The following NOBOX variants were observed in gnomAD, a reference collection of about 807,000 sequenced individuals.
NOBOX encodes homeobox protein NOBOX.
In NOBOX, 46 loss-of-function variants were observed where a neutral mutation model predicts 60.2. The ratio of observed to expected loss-of-function variants is 0.76; its 90% CI spans 0.60 to 0.98. NOBOX has a LOEUF of 0.98. Ranked by LOEUF, NOBOX falls within the 50% of genes least tolerant of loss-of-function variation. NOBOX has a pLI of 0.00. For missense variants in NOBOX, 880 were observed against 865.5 expected (o/e 1.02, Z -0.21); for synonymous variants, 360 against 346.3 (o/e 1.04, Z -0.44).
In NOBOX at chr7:144,398,573, G is replaced by A. The variant is rs762648490; in HGVS notation, c.1483C>T (p.Pro495Ser). ...AGCTCCTCCAAATATGAACAGGGGG[G>A]TGGCAGGGTGATGCTGCAAGGACAG... The change falls in exon 9 of 10, where the codon CCC (proline) becomes TCC (serine). Residue 495 changes from proline to serine, a missense_variant. Transcript: ENST00000467773. 1 of 1,535,668 alleles carries A rather than the reference G, an allele frequency of 6.5e-7. No individual in the cohort carries two copies. Among genetic ancestry groups the A allele is most frequent in the Non-Finnish European group, 8.7e-7 (1 of 1,146,662 alleles).
intron 2 of NOBOX, chr7:144,402,010 G>C: frequency 7.8e-7 from 1 of 1,277,172 alleles, no homozygotes; most frequent in Admixed American, 1.7e-5. Flanking sequence ...CTTCTCCCAA[G>C]GCGGGATGCT....
chr7:144,404,806 G>C (rs1211483253), intron 1 of NOBOX: 2 of 1,124,908 alleles, frequency 1.8e-6, no homozygotes, highest in East Asian at 4.9e-5. Context: ...CCTGGTTCAC[G>C]GAATGTTTCT....
chr7:144,403,836 AC>A (rs2128862604), intron 2 of NOBOX, 143 bp from the exon 1 acceptor site: 2 of 339,008 alleles, frequency 5.9e-6, no homozygotes, highest in East Asian at 5.3e-5. Context: ...CCTCACCCCC[AC>A]CCCCACCCCC....
intron 5 of NOBOX, 109 bp from the exon 4 acceptor site, chr7:144,399,972 C>T: frequency 1.6e-6 from 2 of 1,278,518 alleles, no homozygotes; most frequent in South Asian, 1.4e-5. Flanking sequence ...CACTCCAGCA[C>T]TCTGCTTCTG....
At chr7:144,407,563 G>A (rs1002103391) in intron 1 of NOBOX, among the ~76,000 whole-genome samples, 9 of 152,218 alleles carry the variant, frequency 5.9e-5, no homozygotes, top group Non-Finnish European at 1.0e-4. Context: ...CACTGCCAGA[G>A]CCCGGGCAAA....
At position 144,404,682 on chromosome 7, in the gene NOBOX, T is replaced by C. The variant is rs1587096308; in HGVS notation, c.86-2A>G. ...ATTCAGGTACAGCCAGGGGCGGCCC[T>C]GCCAGGGACGGTGTGGTTACTGTGT... On this transcript the variant is annotated splice_acceptor_variant, in intron 1 of 9. Transcript: ENST00000467773. LOFTEE classifies it high-confidence loss of function. 1 of 1,613,532 alleles carries C rather than the reference T, an allele frequency of 6.2e-7. No homozygotes were observed. Among genetic ancestry groups the C allele is most frequent in the South Asian group, 1.1e-5 (1 of 90,976 alleles).
chr7:144,397,141 C>T (rs1225235939), downstream of NOBOX: 2 of 1,029,484 alleles, frequency 1.9e-6, no homozygotes, highest in Non-Finnish European at 2.7e-6. Context: ...CCTCAGTCTA[C>T]AGAGTCCACA....
chr7:144,402,362 G>C (rs1487594581), intron 2 of NOBOX, among the ~76,000 whole-genome samples: 2 of 152,170 alleles, frequency 1.3e-5, no homozygotes, highest in Non-Finnish European at 2.9e-5. Context: ...TGCATTGGGA[G>C]CTTATCATGT....
chr7:144,399,198 A>G lies in NOBOX; in HGVS notation c.1241-20T>C. On this transcript the variant is annotated intron_variant, in intron 7 of 9. Coordinates refer to ENST00000467773, the MANE Select transcript of NOBOX (RefSeq NM_001080413.3). ...GGGGCTCTAGGAACAGAAGGCAAAG[A>G]GGTGCTATAACGGTAAGGAAATGGG... 1 of 1,247,538 alleles carries G rather than the reference A, an allele frequency of 8.0e-7. No homozygotes were observed. The allele number at this position is 1,247,538 out of a possible 1,614,324, so 77.3% of individuals were successfully genotyped here. A position where few individuals can be genotyped will look rare whatever the true frequency, so the allele number is the denominator to read the frequency against.
chr7:144,402,533 G>A (rs2128862156), intron 2 of NOBOX, among the ~76,000 whole-genome samples: 1 of 152,194 alleles, frequency 6.6e-6, no homozygotes, highest in South Asian at 2.1e-4. Context: ...CACGTACTCT[G>A]TGTACTTAAT....
chr7:144,408,051 G>A (rs1309015549), intron 1 of NOBOX, among the ~76,000 whole-genome samples: 1 of 151,946 alleles, frequency 6.6e-6, no homozygotes, highest in Admixed American at 6.6e-5. Context: ...ATTATAGCAT[G>A]GCATTCAAGG....
rs2053990790 is a variant in NOBOX at position 144,407,092 on chromosome 7, T to G, written c.86-2412A>C. Among the ~76,000 whole-genome samples, 2 of 151,900 alleles carry G rather than the reference T, an allele frequency of 1.3e-5. 1 individual carries two copies. Among genetic ancestry groups the G allele is most frequent in the South Asian group, 4.2e-4 (2 of 4,816 alleles). ...AGAAAGAGTCATTTCTTCCAAAATCTTTTTTTCCCCTCACAGATATGAGAA... is the reference window on the plus strand; with the variant it reads ...AGAAAGAGTCATTTCTTCCAAAATCGTTTTTTCCCCTCACAGATATGAGAA... On this transcript the variant is annotated intron_variant, in intron 1 of 9. Coordinates refer to ENST00000467773, the MANE Select transcript of NOBOX (RefSeq NM_001080413.3).
chr7:144,400,787 C>A (rs2053932002), intron 4 of NOBOX, among the ~76,000 whole-genome samples: 1 of 152,202 alleles, frequency 6.6e-6, no homozygotes, highest in Admixed American at 6.5e-5. Context: ...ATCCACCTGC[C>A]TCGGCCTCCC....
At chr7:144,397,846 C>T (rs547647727) in intron 9 of NOBOX, among the ~76,000 whole-genome samples, 150 of 152,304 alleles carry the variant, frequency 9.8e-4, no homozygotes, top group Non-Finnish European at 1.8e-3. Flanking sequence ...CTGCTAGAAT[C>T]TAGTCTTAAT....
chr7:144,403,734 G>T, intron 2 of NOBOX, 41 bp from the exon 1 acceptor site: 2 of 693,876 alleles, frequency 2.9e-6, no homozygotes, highest in Non-Finnish European at 5.3e-6. Context: ...GTGATGCACA[G>T]GCGCGGCCTA....
At chr7:144,402,039 G>C in intron 2 of NOBOX, 1 of 938,694 alleles carries the variant, frequency 1.1e-6, no homozygotes, top group Admixed American at 1.9e-5. Flanking sequence ...TGCACAACAG[G>C]CATTATTGCT....
At chr7:144,405,583 C>T (rs1476215474) in intron 1 of NOBOX, among the ~76,000 whole-genome samples, 1 of 152,194 alleles carries the variant, frequency 6.6e-6, no homozygotes, top group Non-Finnish European at 1.5e-5. Context: ...CCGCTTAAAA[C>T]CTGACAGTGA....
chr7:144,397,165 C>A, downstream of NOBOX: 1 of 1,331,210 alleles, frequency 7.5e-7, no homozygotes, highest in South Asian at 1.5e-5. Flanking sequence ...TTTCCCAAAC[C>A]CCCAACCCCT....
Position 144,399,767 on chromosome 7 carries a change from T to TG in NOBOX, c.1143dup (p.Ser382GlnfsTer8). 6.2e-7 allele frequency: 1 copy of TG among 1,611,246 alleles called. No homozygotes were observed. The highest frequency in any genetic ancestry group is 8.5e-7 in the Non-Finnish European group (1 of 1,178,426). On this transcript the variant is annotated frameshift_variant, in exon 6 of 10. Coordinates refer to ENST00000467773, the MANE Select transcript of NOBOX (RefSeq NM_001080413.3). LOFTEE classifies it high-confidence loss of function. ...AGGAAGAATTCTGACCTGCATTGAC[T>TG]GCTGGCAGGGCCAGGGGCTGCAGGA...
Sources: gnomAD v4.1 joint callset for allele counts (sites outside exome capture counted in the v4.1 genomes callset) on GRCh38, gnomAD v4.1.1 for gene constraint, MANE v1.5 for transcripts, NCBI Gene and HGNC (gene_info 2026-07-23, HGNC 2026-07-21) for gene names.